The following RRBP1 variants were observed in gnomAD, a reference collection of about 807,000 sequenced individuals.
RRBP1 encodes ribosome-binding protein 1.
Under a neutral mutation model 165.2 loss-of-function variants are expected in RRBP1, and 94 were observed. The ratio of observed to expected loss-of-function variants is 0.57; its 90% CI spans 0.48 to 0.68. The LOEUF is 0.68. Ranked by LOEUF, RRBP1 falls within the 30% of genes least tolerant of loss-of-function variation. The pLI, the probability that RRBP1 is intolerant of heterozygous loss-of-function variation, is 0.00. For synonymous variants in RRBP1, 680 were observed against 714.5 expected (o/e 0.95, Z 0.77); for missense variants, 1,676 against 1,763.0 (o/e 0.95, Z 0.88).
chr20:17,660,088 C>A lies in RRBP1; in HGVS notation c.420G>T (p.Lys140Asn). The part of the protein sequence containing the change: ...EKLASSPKDK[K>N]KKEKKVAKVE... ...CTTTTGCCACTTTTTTCTCCTTCTT[C>A]TTTTTGTCCTTGGGGGAGGAGGCCA... is the stretch of plus-strand genomic sequence containing the variant. The change falls in exon 3 of 25, where the codon AAG becomes AAT. Residue 140 changes from lysine to asparagine, a missense_variant. Lys to Asn is a moderately conservative substitution (Grantham distance 94, BLOSUM62 0). Around this residue, in one of 5 missense-constraint regions of RRBP1, gnomAD observed 392 missense variants for 382.5 expected, o/e 1.02. Coordinates refer to ENST00000377813, the MANE Select transcript of RRBP1 (RefSeq NM_001365613.2). The A allele has an allele frequency of 6.2e-7, 1 of 1,614,064 alleles. No individual in the cohort carries two copies. The highest frequency in any genetic ancestry group is 8.5e-7 in the Non-Finnish European group (1 of 1,180,000).
In RRBP1 at chr20:17,634,547, C is replaced by T. The variant is rs530291494; in HGVS notation, c.2457-934G>A. 2.0e-5 allele frequency among the ~76,000 whole-genome samples: 3 copies of T among 152,300 alleles called. No homozygotes were observed. In the South Asian group the frequency reaches 6.2e-4, roughly 32 times the overall value. ...GATGGACTGGGAGCTCTGAAGTGGG[C>T]CTGGGAAAACACATCCCGCTGCTGA... On this transcript the variant is annotated intron_variant, in intron 7 of 24. Coordinates refer to ENST00000377813, the MANE Select transcript of RRBP1 (RefSeq NM_001365613.2).
rs199571260 is a variant in RRBP1, at chr20:17,618,665, G to A, written c.3690C>T (p.Leu1230=). 1.1e-4 allele frequency: 179 copies of A among 1,613,904 alleles called. 3 individuals carry two copies. In the East Asian group the frequency reaches 3.3e-3, roughly 30 times the overall value. ...AKEVAGLRQL[L]LESQSQLDAA... is the part of the protein sequence containing the mutation. ...CATCGAGCTGAGATTGAGATTCTAGGAGAAGTTGCCTCAGCTTGGGGAGAA... is the reference window on the plus strand; with the variant it reads ...CATCGAGCTGAGATTGAGATTCTAGAAGAAGTTGCCTCAGCTTGGGGAGAA... The change falls in exon 20 of 25, where the codon CTC becomes CTT. Residue 1230 remains leucine (L), a synonymous_variant. Transcript: ENST00000377813.
intron 2 of RRBP1, among the ~76,000 whole-genome samples, chr20:17,676,870 C>T (rs1265112544): frequency 6.6e-6 from 1 of 152,144 alleles, no homozygotes. Flanking sequence ...GCTTCAGCCA[C>T]CTGAGTAGCC....
At chr20:17,628,426 C>T (rs2036075888) in intron 9 of RRBP1, among the ~76,000 whole-genome samples, 2 of 152,240 alleles carry the variant, frequency 1.3e-5, no homozygotes, top group Admixed American at 6.5e-5. Flanking sequence ...GCCACCTGGG[C>T]CCTGCCCTGT....
At chr20:17,635,708 C>T (rs890869776) in intron 6 of RRBP1, 44 bp from the exon 7 acceptor site, 5 of 1,442,758 alleles carry the variant, frequency 3.5e-6, no homozygotes, top group Middle Eastern at 1.7e-4. Context: ...CTCGGCCTCA[C>T]ACACAGAACT....
intron 2 of RRBP1, among the ~76,000 whole-genome samples, chr20:17,663,153 G>T (rs569707982): frequency 2.5e-4 from 38 of 152,276 alleles, no homozygotes; most frequent in African/African-American, 9.1e-4. Context: ...GGTCTTTACC[G>T]AGTCGCGATT....
Position 17,660,436 on chromosome 20 carries a change from GC to G in RRBP1, c.71del (p.Gly24AlafsTer10), listed in dbSNP as rs1340463270. On this transcript the variant is annotated frameshift_variant, in exon 3 of 25. Transcript: ENST00000377813. LOFTEE classifies it high-confidence loss of function. Reference protein sequence around the residue: ...FGGFMVVSAIGIFLVSTFSMK... With the variant: ...FGGFMVVSAIXIFLVSTFSMK... Reference sequence around the variant, plus strand: ...TGGAGAAAGTCGACACCAGGAAGATGCCAATGGCAGAAACAACCATGAATCC... The same window carrying G: ...TGGAGAAAGTCGACACCAGGAAGATGCAATGGCAGAAACAACCATGAATCC... The G allele has an allele frequency of 6.2e-7, 1 of 1,614,150 alleles. No individual in the cohort carries two copies.
At position 17,659,936 on chromosome 20, in the gene RRBP1, G is replaced by A; in HGVS notation, c.572C>T (p.Thr191Ile). 1.9e-6 allele frequency: 3 copies of A among 1,581,662 alleles called. No individual in the cohort carries two copies. Among genetic ancestry groups the A allele is most frequent in the Admixed American group, 1.8e-5 (1 of 55,308 alleles). The stretch of plus-strand genomic sequence containing the variant: ...GCCCTGAGTAGTGCCAGTGGCTGGT[G>A]TGTTGCCCTTGGCACCCACTGGGGG... Reference protein sequence around the residue: ...VVPPVGAKGNTPATGTTQGKK... With the variant: ...VVPPVGAKGNIPATGTTQGKK... The change falls in exon 3 of 25, where the codon ACA becomes ATA. Residue 191 changes from threonine to isoleucine, a missense_variant. This residue lies in a region of RRBP1 where 392 missense variants were observed against 382.5 expected (regional missense o/e 1.02). Coordinates refer to ENST00000377813, the MANE Select transcript of RRBP1 (RefSeq NM_001365613.2).
In RRBP1 at chr20:17,614,886, G is replaced by A. The variant is rs369720614; in HGVS notation, c.4051-6C>T. 3 of 1,612,010 alleles carry A rather than the reference G, an allele frequency of 1.9e-6. No homozygotes were observed. Among genetic ancestry groups the A allele is most frequent in the African/African-American group, 1.3e-5 (1 of 74,424 alleles). ...TTCTCTTTTTCTAGTCTCTCCTGATGGTCAGAAGGTTGACGGGCATCAGCC... is the reference window on the plus strand; with the variant it reads ...TTCTCTTTTTCTAGTCTCTCCTGATAGTCAGAAGGTTGACGGGCATCAGCC... On this transcript the variant is annotated splice_polypyrimidine_tract_variant and splice_region_variant and intron_variant, in intron 23 of 24. Transcript: ENST00000377813.
At chr20:17,681,630 T>G (rs2037190616) in intron 1 of RRBP1, among the ~76,000 whole-genome samples, 1 of 141,396 alleles carries the variant, frequency 7.1e-6, no homozygotes, top group Admixed American at 6.9e-5. Flanking sequence ...CTCCGCCAGC[T>G]GTGCGCCGCC....
intron 2 of RRBP1, among the ~76,000 whole-genome samples, chr20:17,672,583 T>C (rs2036997797): frequency 6.6e-6 from 1 of 152,208 alleles, no homozygotes; most frequent in African/African-American, 2.4e-5. Context: ...GAGTATAAAT[T>C]AGAACAAGCA....
chr20:17,662,307 A>G (rs938490115), intron 2 of RRBP1, among the ~76,000 whole-genome samples: 3 of 152,194 alleles, frequency 2.0e-5, no homozygotes, highest in Non-Finnish European at 4.4e-5. Flanking sequence ...TCATCACAGA[A>G]GGAACACATT....
chr20:17,662,081 T>A (rs2036775975), intron 2 of RRBP1, among the ~76,000 whole-genome samples: 1 of 151,948 alleles, frequency 6.6e-6, no homozygotes, highest in African/African-American at 2.4e-5. Context: ...GCTAACACGG[T>A]GAAACCCTGA....
chr20:17,653,131 A>G (rs2036586838), intron 3 of RRBP1, among the ~76,000 whole-genome samples: 1 of 152,196 alleles, frequency 6.6e-6, no homozygotes, highest in Non-Finnish European at 1.5e-5. Flanking sequence ...GCCACCGACA[A>G]CTGACTGCAG....
At chr20:17,660,652 G>A (rs2036748509) in intron 2 of RRBP1, 124 bp from the exon 3 acceptor site, 1 of 652,594 alleles carries the variant, frequency 1.5e-6, no homozygotes, top group Admixed American at 2.9e-5. Flanking sequence ...ATTCAGAGAA[G>A]AAACAAACCC....
At chr20:17,662,881 TC>T (rs2036792191) in intron 2 of RRBP1, among the ~76,000 whole-genome samples, 1 of 151,894 alleles carries the variant, frequency 6.6e-6, no homozygotes, top group Non-Finnish European at 1.5e-5. Flanking sequence ...ATCACTACAT[TC>T]AAAAATCCTA....
At chr20:17,639,692 G>A (rs879456413) in intron 5 of RRBP1, among the ~76,000 whole-genome samples, 6 of 152,092 alleles carry the variant, frequency 3.9e-5, no homozygotes, top group Admixed American at 1.3e-4. Context: ...TCGGGAGTTC[G>A]AGACCAGCCC....
At chr20:17,677,023 C>T (rs1487610615) in intron 2 of RRBP1, among the ~76,000 whole-genome samples, 1 of 149,232 alleles carries the variant, frequency 6.7e-6, no homozygotes, top group East Asian at 2.0e-4. Context: ...GCTGGGATTA[C>T]AGGGATTAGC....
intron 3 of RRBP1, among the ~76,000 whole-genome samples, chr20:17,644,278 C>A (rs1402001424): frequency 6.6e-6 from 1 of 152,156 alleles, no homozygotes; most frequent in Admixed American, 6.5e-5. Context: ...CATGTTGACA[C>A]CAAAGGCCTA....
Sources: allele counts gnomAD v4.1 joint callset (sites outside exome capture counted in the v4.1 genomes callset), GRCh38; gene constraint gnomAD v4.1.1; regional missense constraint gnomAD v4.1.1; transcripts MANE v1.5; gene names NCBI Gene and HGNC (gene_info 2026-07-23, HGNC 2026-07-21).